Variants in ROCK2 observed in about 807,000 individuals in gnomAD.
The protein encoded by ROCK2 is rho-associated protein kinase 2.
ROCK2 carries 61 observed loss-of-function variants against 195.1 expected under a neutral mutation model. The ratio of observed to expected loss-of-function variants is 0.31; its 90% CI spans 0.25 to 0.39. The LOEUF is 0.39. Among genes scored for constraint, ROCK2 ranks in the 10% least tolerant of loss-of-function variants. The pLI is 1.00. For synonymous variants in ROCK2, 504 were observed against 545.5 expected, an observed-to-expected ratio of 0.92 and a Z score of 1.06; for missense variants, 1,109 against 1,637.4, an observed-to-expected ratio of 0.68 and a Z score of 5.57.
chr2:11,190,487 A>G (rs1055107163), intron 32 of ROCK2, among the ~76,000 whole-genome samples: 3 of 152,214 alleles, frequency 2.0e-5, no homozygotes, highest in African/African-American at 7.2e-5. Context: ...ACAGCCTGTT[A>G]CATAACTGGG....
chr2:11,309,984 GA>G (rs1667983823), intron 1 of ROCK2, among the ~76,000 whole-genome samples: 1 of 151,492 alleles, frequency 6.6e-6, no homozygotes, highest in East Asian at 1.9e-4. Flanking sequence ...ACAAAAAAAA[GA>G]AAAGAAATGA....
intron 32 of ROCK2, 94 bp from the exon 33 acceptor site, chr2:11,183,534 CTATA>C: frequency 2.4e-6 from 2 of 844,132 alleles, no homozygotes; most frequent in Non-Finnish European, 3.7e-6. Context: ...CATTATTAAA[CTATA>C]TAGTCTTCCA....
chr2:11,320,492 C>G (rs1166237805), intron 1 of ROCK2, among the ~76,000 whole-genome samples: 1 of 146,392 alleles, frequency 6.8e-6, no homozygotes, highest in African/African-American at 2.5e-5. Context: ...AGGATAGCAA[C>G]AGCAAACATT....
intron 4 of ROCK2, among the ~76,000 whole-genome samples, chr2:11,238,209 A>AGAGTGTGTGTGTGTGT (rs1553303927): frequency 7.4e-6 from 1 of 135,266 alleles, no homozygotes; most frequent in Non-Finnish European, 1.6e-5. Flanking sequence ...ATTGAGAAAG[A>AGAGTGTGTGTGTGTGT]GTGTGTGTGT....
chr2:11,233,328 G>A (rs193148514), intron 5 of ROCK2, among the ~76,000 whole-genome samples: 2 of 152,090 alleles, frequency 1.3e-5, no homozygotes, highest in African/African-American at 2.4e-5. Context: ...GTATATCAAC[G>A]GAACTGGTAA....
At chr2:11,304,119 G>A (rs1046057256) in intron 1 of ROCK2, among the ~76,000 whole-genome samples, 5 of 151,970 alleles carry the variant, frequency 3.3e-5, no homozygotes, top group Admixed American at 6.6e-5. Flanking sequence ...ATCTTGTCTT[G>A]CGTCTTTAAA....
At chr2:11,290,697 A>G (rs967093701) in intron 1 of ROCK2, among the ~76,000 whole-genome samples, 1 of 152,154 alleles carries the variant, frequency 6.6e-6, no homozygotes, top group African/African-American at 2.4e-5. Context: ...ATTGGATTTC[A>G]GGTCAGAAAG....
At chr2:11,200,533 T>A (rs1344545606) in intron 23 of ROCK2, among the ~76,000 whole-genome samples, 1 of 152,182 alleles carries the variant, frequency 6.6e-6, no homozygotes, top group African/African-American at 2.4e-5. Context: ...GGATTGAATA[T>A]CCCTGTTCTA....
At chr2:11,231,812 A>C (rs1665022017) in intron 5 of ROCK2, among the ~76,000 whole-genome samples, 1 of 152,166 alleles carries the variant, frequency 6.6e-6, no homozygotes, top group South Asian at 2.1e-4. Context: ...AAATCATTTT[A>C]GTCCTTGTAA....
chr2:11,257,792 G>C (rs1235277183), intron 3 of ROCK2, among the ~76,000 whole-genome samples: 1 of 151,296 alleles, frequency 6.6e-6, no homozygotes, highest in East Asian at 1.9e-4. Context: ...TTTGTAATAA[G>C]CAAATACACT....
At chr2:11,224,503 CAAAGGAAA>C in intron 6 of ROCK2, 43 bp from the exon 7 acceptor site, 1 of 1,568,284 alleles carries the variant, frequency 6.4e-7, no homozygotes, top group Non-Finnish European at 8.7e-7. Flanking sequence ...ACAGAGAATG[CAAAGGAAA>C]CACTTTTCAC....
chr2:11,343,849 T>G (rs1407684683), intron 1 of ROCK2, 147 bp downstream of exon 1: 6 of 962,380 alleles, frequency 6.2e-6, no homozygotes, highest in Non-Finnish European at 8.8e-6. Flanking sequence ...ACAGAATCGT[T>G]TGGTCTCCGG....
chr2:11,307,759 C>T (rs1667903312), intron 1 of ROCK2, among the ~76,000 whole-genome samples: 1 of 152,204 alleles, frequency 6.6e-6, no homozygotes, highest in South Asian at 2.1e-4. Context: ...ACAATCAGAA[C>T]TGAAAATATT....
At chr2:11,318,368 G>C (rs1043722192) in intron 1 of ROCK2, among the ~76,000 whole-genome samples, 19 of 152,184 alleles carry the variant, frequency 1.2e-4, no homozygotes, top group Non-Finnish European at 2.8e-4. Flanking sequence ...GGCCAGTGAT[G>C]ATGAGCATTT....
intron 3 of ROCK2, among the ~76,000 whole-genome samples, chr2:11,283,603 A>AGAAAG (rs1667091936): frequency 6.7e-6 from 1 of 149,542 alleles, no homozygotes; most frequent in Non-Finnish European, 1.5e-5. Flanking sequence ...AGAAAAGAAA[A>AGAAAG]AAAGGAAAAG....
At chr2:11,330,906 G>A (rs1419535568) in intron 1 of ROCK2, among the ~76,000 whole-genome samples, 2 of 12,110 alleles carry the variant, frequency 1.7e-4, no homozygotes, top group Admixed American at 8.5e-4. Flanking sequence ...AGGAGGAAGA[G>A]AGAGGAGGAG....
chr2:11,255,363 A>G (rs1359012859), intron 3 of ROCK2, among the ~76,000 whole-genome samples: 1 of 151,126 alleles, frequency 6.6e-6, no homozygotes, highest in East Asian at 1.9e-4. Flanking sequence ...GTATTCAAAG[A>G]AAAATAACAA....
At chr2:11,276,648 G>C (rs1198085902) in intron 3 of ROCK2, among the ~76,000 whole-genome samples, 3 of 152,110 alleles carry the variant, frequency 2.0e-5, no homozygotes, top group Non-Finnish European at 4.4e-5. Context: ...TGCAAAAATA[G>C]AAATAGAGGA....
chr2:11,183,899 T>C (rs181716394), intron 32 of ROCK2, among the ~76,000 whole-genome samples: 5 of 152,308 alleles, frequency 3.3e-5, no homozygotes, highest in South Asian at 2.1e-4. Context: ...AGTAAATATA[T>C]ACAAGCTACT....
Sources: gnomAD v4.1 joint callset for allele counts (sites outside exome capture counted in the v4.1 genomes callset) on GRCh38, gnomAD v4.1.1 for gene constraint, MANE v1.5 for transcripts, NCBI Gene and HGNC (gene_info 2026-07-23, HGNC 2026-07-21) for gene names.